Variants in METTL13 observed in about 807,000 individuals in gnomAD.
METTL13 encodes eEF1A lysine and N-terminal methyltransferase.
Under a neutral mutation model 67.4 loss-of-function variants are expected in METTL13, and 52 were observed. That is an observed-to-expected ratio of 0.77 (90% CI 0.62 to 0.97). METTL13 has a LOEUF of 0.97. METTL13 is among the 50% of genes least tolerant of loss of function. The probability of loss-of-function intolerance (pLI) is 0.00; values close to 1 mark genes in which losing one functional copy is unlikely to be tolerated. For synonymous variants in METTL13, 354 were observed against 353.6 expected, an observed-to-expected ratio of 1.00 and a Z score of -0.01; for missense variants, 825 against 889.6, an observed-to-expected ratio of 0.93 and a Z score of 0.92.
chr1:171,790,661 T>G (rs1197527126), intron 5 of METTL13, 45 bp downstream of exon 5: 1 of 1,434,716 alleles, frequency 7.0e-7, no homozygotes, highest in Admixed American at 2.7e-5. Context: ...GCATAAAGAT[T>G]ACAGACCTAA....
chr1:171,796,412 C>T (rs904802168), intron 7 of METTL13, 70 bp from the exon 8 acceptor site: 1 of 1,568,712 alleles, frequency 6.4e-7, no homozygotes, highest in Non-Finnish European at 8.7e-7. Context: ...GTATTTTCCT[C>T]AAAGCCGATC....
At position 171,784,261 on chromosome 1, in the gene METTL13, G is replaced by A. The variant is rs2124896828; in HGVS notation, c.675G>A (p.Leu225=). 1.2e-6 allele frequency: 2 copies of A among 1,613,986 alleles called. No individual in the cohort carries two copies. Among genetic ancestry groups the A allele is most frequent in the Admixed American group, 1.7e-5 (1 of 60,032 alleles). The change falls in exon 2 of 8, where the codon CTG becomes CTA. Residue 225 remains leucine (L), a synonymous_variant. Transcript: ENST00000361735. The part of the protein sequence containing the change: ...VPGSALQIFE[L]CAQEQRKPVR... ...GCTCTGCCCTTCAGATCTTTGAGCT[G>A]TGTGCTCAGGAGCAGCGCAAGCCTG...
intron 6 of METTL13, 29 bp from the exon 7 acceptor site, chr1:171,794,367 A>G (rs751094482): frequency 1.9e-6 from 3 of 1,613,946 alleles, no homozygotes; most frequent in Non-Finnish European, 1.7e-6. Context: ...TCCAGCAAAG[A>G]CAAGGACTTG....
chr1:171,787,670 G>A (rs1657063682), intron 3 of METTL13, 65 bp from the exon 4 acceptor site: 3 of 1,458,364 alleles, frequency 2.1e-6, no homozygotes, highest in Middle Eastern at 1.9e-4. Context: ...AAGGGAAGGG[G>A]TTATAATTTC....
intron 3 of METTL13, 55 bp from the exon 4 acceptor site, chr1:171,787,680 C>T (rs547266621): frequency 1.3e-6 from 2 of 1,522,036 alleles, no homozygotes; most frequent in Admixed American, 1.9e-5. Flanking sequence ...GTTATAATTT[C>T]TCTTATTTCT....
Position 171,796,558 on chromosome 1 carries a change from C to A in METTL13, c.1902C>A (p.Phe634Leu), listed in dbSNP as rs1376109373. Residue 634 changes from phenylalanine to leucine, a missense_variant, in exon 8 of 8, where the codon TTC becomes TTA. Transcript: ENST00000361735. ...DSVLAGLKAV[F>L]PLLYVRRIEG... is the part of the protein sequence containing the mutation. Reference sequence around the variant, plus strand: ...TGCTGGCTGGGCTCAAGGCAGTGTTCCCCCTCCTATATGTCCGGCGAATTG... The same window carrying A: ...TGCTGGCTGGGCTCAAGGCAGTGTTACCCCTCCTATATGTCCGGCGAATTG... 1 of 1,614,054 alleles carries A rather than the reference C, an allele frequency of 6.2e-7. No homozygotes were observed.
rs2124894385 is a variant in METTL13 at position 171,781,993 on chromosome 1, G to A, written c.26G>A (p.Arg9Lys). The change falls in exon 1 of 8, where the codon AGG becomes AAG. Residue 9 changes from arginine (R) to lysine (K), a missense_variant. Transcript: ENST00000361735. MNLLPKSS[R>K]EFGSVDYWEK... ...ATGAACCTCTTACCTAAAAGTTCCA[G>A]GGAGTTTGGCTCCGTTGACTATTGG... 6.2e-7 allele frequency: 1 copy of A among 1,614,168 alleles called. No homozygotes were observed. Among genetic ancestry groups the A allele is most frequent in the Non-Finnish European group, 8.5e-7 (1 of 1,180,042 alleles).
intron 7 of METTL13, 103 bp from the exon 8 acceptor site, chr1:171,796,379 C>G (rs1444247121): frequency 7.2e-7 from 1 of 1,394,438 alleles, no homozygotes; most frequent in Admixed American, 1.9e-5. Context: ...TTTAGTCCAC[C>G]AGTCTCCCTG....
At chr1:171,790,675 A>G (rs145097191) in intron 5 of METTL13, 59 bp downstream of exon 5, 2 of 1,381,398 alleles carry the variant, frequency 1.4e-6, no homozygotes, top group East Asian at 2.7e-5. Context: ...GACCTAAACA[A>G]TTGGTGTCAC....
rs1273194738 is a variant in METTL13, at chr1:171,792,033, G to A, written c.1491G>A (p.Leu497=). The part of the protein sequence containing the change: ...PELLLEIPLA[L]LVVGLGGGSL... The stretch of plus-strand genomic sequence containing the variant: ...TTCTTACAGAGATCCCACTGGCATT[G>A]TTGGTGGTAGGCCTGGGCGGGGGCA... The change falls in exon 6 of 8, where the codon TTG becomes TTA. Residue 497 remains leucine, a synonymous_variant. Coordinates refer to ENST00000361735, the MANE Select transcript of METTL13 (RefSeq NM_015935.5). The A allele has an allele frequency of 1.9e-6, 3 of 1,612,592 alleles. No homozygotes were observed. Among genetic ancestry groups the A allele is most frequent in the African/African-American group, 1.3e-5 (1 of 74,882 alleles).
At chr1:171,782,526 C>T (rs35882887) in intron 1 of METTL13, among the ~76,000 whole-genome samples, 27,902 of 151,534 alleles carry the variant, frequency 0.18, 2,681 homozygotes, top group African/African-American at 0.2. Flanking sequence ...CATGATCACG[C>T]CACTGCACTC....
At chr1:171,789,315 G>A (rs575364899) in intron 4 of METTL13, among the ~76,000 whole-genome samples, 2 of 152,350 alleles carry the variant, frequency 1.3e-5, no homozygotes, top group East Asian at 1.9e-4. Flanking sequence ...ACAGCCATCC[G>A]TTTAGTATGA....
At chr1:171,792,278 G>C (rs1657234347) in intron 6 of METTL13, 43 bp downstream of exon 6, 1 of 1,607,252 alleles carries the variant, frequency 6.2e-7, no homozygotes, top group Admixed American at 1.7e-5. Flanking sequence ...AGGGATGATT[G>C]ATGCGACATT....
intron 4 of METTL13, among the ~76,000 whole-genome samples, chr1:171,790,204 GC>G (rs1657157658): frequency 6.6e-6 from 1 of 152,188 alleles, no homozygotes; most frequent in Non-Finnish European, 1.5e-5. Flanking sequence ...TGAGGGATCT[GC>G]CCCCGTGACC....
chr1:171,791,147 C>A (rs887922339), intron 5 of METTL13, among the ~76,000 whole-genome samples: 1 of 152,196 alleles, frequency 6.6e-6, no homozygotes, highest in Admixed American at 6.5e-5. Flanking sequence ...ATACTTTTGT[C>A]CTATCTTAGT....
Position 171,784,116 on chromosome 1 carries a change from A to G in METTL13, c.530A>G (p.Glu177Gly), listed in dbSNP as rs1656920545. The change falls in exon 2 of 8, where the codon GAG becomes GGG. Residue 177 changes from glutamate (E) to glycine (G), a missense_variant. Physicochemically the swap from Glu to Gly is moderately conservative, Grantham distance 98. Coordinates refer to ENST00000361735, the MANE Select transcript of METTL13 (RefSeq NM_015935.5). ...LKKAVGHFSR[E>G]GWMVRVHQVA... ...AAAGCAGTGGGCCACTTCTCCCGGG[A>G]GGGGTGGATGGTGAGGGTGCACCAA... 1 of 1,614,002 alleles carries G rather than the reference A, an allele frequency of 6.2e-7. No individual in the cohort carries two copies. The highest frequency in any genetic ancestry group is 1.3e-5 in the African/African-American group (1 of 74,880).
Position 171,790,451 on chromosome 1 carries a change from G to T in METTL13, c.1310-1G>T, listed in dbSNP as rs1327247825. The T allele has an allele frequency of 2.5e-6, 4 of 1,589,534 alleles. No individual in the cohort carries two copies. Among genetic ancestry groups the T allele is most frequent in the Admixed American group, 3.6e-5 (2 of 55,676 alleles). ...CATAGGGCTTCATATCTCTTGTTTA[G>T]CCCAGAAGAAGCGGAAAAAGGACAG... is the stretch of plus-strand genomic sequence containing the variant. On this transcript the variant is annotated splice_acceptor_variant, in intron 4 of 7. Transcript: ENST00000361735. LOFTEE classifies it high-confidence loss of function.
At position 171,788,070 on chromosome 1, in the gene METTL13, A is replaced by T. The variant is rs1050745601; in HGVS notation, c.1309+140A>T. ...CTGGACTCTTAGGGTGTGAATAGCT[A>T]TAAGCAGAGTACATTCTGTTCTTGA... On this transcript the variant is annotated intron_variant, in intron 4 of 7. Transcript: ENST00000361735. 6.6e-6 allele frequency: 5 copies of T among 753,260 alleles called. No homozygotes were observed. In the African/African-American group the frequency reaches 8.7e-5, roughly 13 times the overall value. The allele number at this position is 753,260 out of a possible 1,614,324, so 46.7% of individuals were successfully genotyped here.
Position 171,787,792 on chromosome 1 carries a change from T to C in METTL13, c.1171T>C (p.Cys391Arg). Residue 391 changes from cysteine to arginine, a missense_variant, in exon 4 of 8, where the codon TGC becomes CGC. Physicochemically the swap from Cys to Arg is radical, Grantham distance 180. Coordinates refer to ENST00000361735, the MANE Select transcript of METTL13 (RefSeq NM_015935.5). ...IGVRTVQHQD[C>R]SPLSGDYVIE... ...GGTCCGGACCGTTCAGCACCAAGAC[T>C]GCAGCCCCTTGAGCGGTGACTATGT... 6.2e-7 allele frequency: 1 copy of C among 1,614,194 alleles called. No individual in the cohort carries two copies. Among genetic ancestry groups the C allele is most frequent in the Non-Finnish European group, 8.5e-7 (1 of 1,180,028 alleles).
Sources: allele counts gnomAD v4.1 joint callset (sites outside exome capture counted in the v4.1 genomes callset), GRCh38; gene constraint gnomAD v4.1.1; transcripts MANE v1.5; gene names NCBI Gene and HGNC (gene_info 2026-07-23, HGNC 2026-07-21).